The following TBCD variants were observed in gnomAD, a reference collection of about 807,000 sequenced individuals.
The protein encoded by TBCD is tubulin-specific chaperone D.
TBCD carries 105 observed loss-of-function variants against 169.3 expected under a neutral mutation model. That is an observed-to-expected ratio of 0.62 (90% CI 0.53 to 0.73). The LOEUF is 0.73. Among genes scored for constraint, TBCD ranks in the 30% least tolerant of loss-of-function variants. The probability of loss-of-function intolerance (pLI) is 0.00; values close to 1 mark genes in which losing one functional copy is unlikely to be tolerated. For missense variants in TBCD, 1,444 were observed against 1,600.1 expected (o/e 0.90, Z 1.66); for synonymous variants, 700 against 643.9 (o/e 1.09, Z -1.32).
chr17:82,786,780 G>T (rs1010199723), intron 7 of TBCD, among the ~76,000 whole-genome samples: 3 of 151,116 alleles, frequency 2.0e-5, no homozygotes, highest in Non-Finnish European at 2.9e-5. Context: ...GGCCACATGT[G>T]TCTAGTTCTG....
At chr17:82,842,295 C>T (rs535470371) in intron 13 of TBCD, among the ~76,000 whole-genome samples, 20 of 152,342 alleles carry the variant, frequency 1.3e-4, no homozygotes, top group Admixed American at 7.2e-4. Context: ...GGAGCTGAGA[C>T]GGCAGGGAGG....
chr17:82,937,221 C>T (rs756483713), intron 34 of TBCD, 50 bp from the exon 35 acceptor site: 2 of 1,563,948 alleles, frequency 1.3e-6, no homozygotes, highest in Admixed American at 3.3e-5. Flanking sequence ...AGTGTGCATC[C>T]CGGGGCTGCC....
intron 23 of TBCD, among the ~76,000 whole-genome samples, chr17:82,919,959 G>A (rs938784603): frequency 1.3e-5 from 2 of 152,224 alleles, no homozygotes; most frequent in African/African-American, 2.4e-5. Flanking sequence ...AGGCGTCTGC[G>A]AGTGGGTTCC....
chr17:82,785,838 A>G (rs538164527), intron 7 of TBCD, among the ~76,000 whole-genome samples: 6 of 79,732 alleles, frequency 7.5e-5, no homozygotes, highest in East Asian at 3.9e-4. Flanking sequence ...ACTGGACCCG[A>G]CCCATCGCAG....
rs2059626724 is a variant in TBCD, at chr17:82,898,237, ACGG to A, written c.1650-2412_1650-2410del. Among the ~76,000 whole-genome samples the A allele has an allele frequency of 2.3e-4, 16 of 69,848 alleles. 1 individual carries two copies. Among genetic ancestry groups the A allele is most frequent in the East Asian group, 3.7e-4 (1 of 2,668 alleles). The allele number at this position is 69,848 out of a possible 152,430, so 45.8% of individuals were successfully genotyped here. ...CGGCTCTGGGTTTTGGTGGGAGCAC[ACGG>A]CACGGCTCTGGGTTTTGGTGGGAGC... On this transcript the variant is annotated intron_variant, in intron 17 of 38. Coordinates refer to ENST00000355528, the MANE Select transcript of TBCD (RefSeq NM_005993.5).
rs1166096282 is a variant in TBCD, at chr17:82,926,419, C to T, written c.2399C>T (p.Ala800Val). Residue 800 changes from alanine (A) to valine (V), a missense_variant, in exon 28 of 39, where the codon GCA (alanine) becomes GTA (valine). Ala to Val is a moderately conservative substitution (Grantham distance 64). Coordinates refer to ENST00000355528, the MANE Select transcript of TBCD (RefSeq NM_005993.5). ...TTCCAGGTTCTCACAGGTTTAAGAG[C>T]AGTTACCCACACTTCCCCCGAGGAC... ...RLQQVLTGLR[A>V]VTHTSPEDVS... 1 of 1,613,858 alleles carries T rather than the reference C, an allele frequency of 6.2e-7. No individual in the cohort carries two copies. The highest frequency in any genetic ancestry group is 8.5e-7 in the Non-Finnish European group (1 of 1,179,882).
At chr17:82,938,281 G>A in intron 36 of TBCD, 145 bp downstream of exon 36, 1 of 919,034 alleles carries the variant, frequency 1.1e-6, no homozygotes, top group Non-Finnish European at 1.7e-6. Context: ...ACGCGTCACA[G>A]GCACGCGGCT....
chr17:82,873,449 G>T (rs956028888), intron 14 of TBCD, among the ~76,000 whole-genome samples: 3 of 152,150 alleles, frequency 2.0e-5, no homozygotes, highest in Admixed American at 2.0e-4. Flanking sequence ...TGATCCCACT[G>T]GAGGGTGACT....
At chr17:82,797,702 GT>G in intron 7 of TBCD, 54 bp from the exon 8 acceptor site, 2 of 1,291,074 alleles carry the variant, frequency 1.5e-6, no homozygotes, top group Non-Finnish European at 2.1e-6. Flanking sequence ...TTGTGTGTAT[GT>G]TTTAAACTTC....
At chr17:82,847,508 G>A (rs2055250396) in intron 13 of TBCD, among the ~76,000 whole-genome samples, 1 of 152,152 alleles carries the variant, frequency 6.6e-6, no homozygotes, top group African/African-American at 2.4e-5. Context: ...AGAGAATTTG[G>A]GGAAAGCTTT....
chr17:82,884,556 C>T lies in TBCD; in HGVS notation c.1533+354C>T, dbSNP rs537624282. Among the ~76,000 whole-genome samples the T allele has an allele frequency of 2.4e-4, 36 of 152,212 alleles. No individual in the cohort carries two copies. The South Asian group carries it at 7.1e-3, about 30-fold the overall frequency. On this transcript the variant is annotated intron_variant, in intron 15 of 38. Coordinates refer to ENST00000355528, the MANE Select transcript of TBCD (RefSeq NM_005993.5). This position sits in a 1 kb window ranked among gnomAD's most constrained non-coding sequence, Gnocchi z 4.2. ...TTCTGCGAGGGTGGCCAGAATGTGG[C>T]GGCGGGACGGGTCACTCACCGGGTG...
intron 25 of TBCD, among the ~76,000 whole-genome samples, 191 bp downstream of exon 25, chr17:82,921,768 A>G (rs1404272643): frequency 2.0e-5 from 3 of 152,252 alleles, no homozygotes; most frequent in African/African-American, 7.2e-5. Flanking sequence ...CAGAAAATCC[A>G]ATACAGCCAT....
chr17:82,876,787 G>A (rs1192670782), intron 14 of TBCD, among the ~76,000 whole-genome samples: 1 of 152,248 alleles, frequency 6.6e-6, no homozygotes, highest in East Asian at 1.9e-4. Flanking sequence ...GCAGGAGCCA[G>A]CTTCGTTGAA....
rs773151117 is a variant in TBCD, at chr17:82,887,162, TGTGTGTGCGCGCGCGC to T, written c.1534-2504_1534-2489del. Among the ~76,000 whole-genome samples the T allele has an allele frequency of 3.5e-3, 373 of 107,320 alleles. 2 individuals carry two copies. In the East Asian group the frequency reaches 0.036, roughly 10 times the overall value. 70.4% of individuals were successfully genotyped at this position (107,320 alleles called of 152,430 possible). A position where few individuals can be genotyped will look rare whatever the true frequency, so the allele number is the denominator to read the frequency against. On this transcript the variant is annotated intron_variant, in intron 15 of 38. Coordinates refer to ENST00000355528, the MANE Select transcript of TBCD (RefSeq NM_005993.5). Reference sequence around the variant, plus strand: ...GTGTGTGTGTGTGTGTGTGTGTGTGTGTGTGTGCGCGCGCGCGCACGTGCGCTCACGCGTTTACTTC... The same window carrying T: ...GTGTGTGTGTGTGTGTGTGTGTGTGTGCACGTGCGCTCACGCGTTTACTTC...
chr17:82,924,301 G>C (rs2061590020), intron 26 of TBCD, among the ~76,000 whole-genome samples: 1 of 152,168 alleles, frequency 6.6e-6, no homozygotes, highest in Non-Finnish European at 1.5e-5. Context: ...TCTGCTGTGT[G>C]TTTCACTCGT....
intron 14 of TBCD, among the ~76,000 whole-genome samples, chr17:82,882,370 G>A (rs1413299796): frequency 1.3e-5 from 2 of 152,230 alleles, no homozygotes; most frequent in African/African-American, 2.4e-5. Context: ...GCCCTGTGGC[G>A]TGTTCTGGGC....
rs372479408 is a variant in TBCD, at chr17:82,938,077, G to T, written c.3310G>T (p.Asp1104Tyr). 1.2e-6 allele frequency: 2 copies of T among 1,612,946 alleles called. No homozygotes were observed. The highest frequency in any genetic ancestry group is 1.7e-6 in the Non-Finnish European group (2 of 1,179,858). ...CTGCGAGATGGTGCAGTTCCCCGGC[G>T]ACGTGAGGAGGCAGGCCCTCCTGCA... ...VFCEMVQFPG[D>Y]VRRQALLQLC... The change falls in exon 36 of 39, where the codon GAC becomes TAC. Residue 1104 changes from aspartate (D) to tyrosine (Y), a missense_variant. Physicochemically the swap from Asp to Tyr is radical, Grantham distance 160 (BLOSUM62 -3). Transcript: ENST00000355528.
rs575180834 is a variant in TBCD, at chr17:82,812,734, G to A, written c.1224-2106G>A. On this transcript the variant is annotated intron_variant, in intron 12 of 38. Transcript: ENST00000355528. ...AATTTTTTGTATTTAGTAGAGACGG[G>A]GTTTCACCATGTTGGCCAGTCGGGT... Among the ~76,000 whole-genome samples, 16 of 152,308 alleles carry A rather than the reference G, an allele frequency of 1.1e-4. No individual in the cohort carries two copies. The East Asian group carries it at 2.9e-3, about 28-fold the overall frequency.
At chr17:82,828,332 A>C (rs78457800) in intron 13 of TBCD, among the ~76,000 whole-genome samples, 4,962 of 111,606 alleles carry the variant, frequency 0.044, 307 homozygotes, top group African/African-American at 0.15. Context: ...GCACACACAC[A>C]CCCATAGATA....
Sources: allele counts gnomAD v4.1 joint callset (sites outside exome capture counted in the v4.1 genomes callset), GRCh38; gene constraint gnomAD v4.1.1; non-coding constraint Gnocchi (gnomAD v3.1); transcripts MANE v1.5; gene names NCBI Gene and HGNC (gene_info 2026-07-23, HGNC 2026-07-21).